Variants in ABCA12 observed in about 807,000 individuals in gnomAD.
ABCA12 encodes glucosylceramide transporter ABCA12.
In ABCA12, 156 loss-of-function variants were observed where a neutral mutation model predicts 293.5. That is an observed-to-expected ratio of 0.53 (90% CI 0.47 to 0.61). The LOEUF is 0.61. ABCA12 is among the 20% of genes least tolerant of loss of function. The probability of loss-of-function intolerance (pLI) is 0.00; values close to 1 mark genes in which losing one functional copy is unlikely to be tolerated. For missense variants in ABCA12, 2,797 were observed against 3,090.2 expected, an observed-to-expected ratio of 0.91 and a Z score of 2.25; for synonymous variants, 1,063 against 1,108.0, an observed-to-expected ratio of 0.96 and a Z score of 0.81.
At chr2:215,111,552 C>T (rs1702570278) in intron 2 of ABCA12, 45 bp downstream of exon 2, 2 of 1,499,714 alleles carry the variant, frequency 1.3e-6, no homozygotes, top group African/African-American at 2.8e-5. Flanking sequence ...TAAATTTTAA[C>T]TAGAATCCAA....
intron 2 of ABCA12, among the ~76,000 whole-genome samples, chr2:215,096,792 T>A (rs1702258120): frequency 6.6e-6 from 1 of 152,208 alleles, no homozygotes; most frequent in Non-Finnish European, 1.5e-5. Context: ...AACTCCATAT[T>A]TTTATTGCCA....
At position 214,932,568 on chromosome 2, in the gene ABCA12, T is replaced by C; in HGVS notation, c.*66A>G. The C allele has an allele frequency of 2.5e-6, 3 of 1,186,718 alleles. No individual in the cohort carries two copies. The South Asian group carries it at 3.7e-5, about 15-fold the overall frequency. The allele number at this position is 1,186,718 out of a possible 1,614,324, so 73.5% of individuals were successfully genotyped here. ...AATGAAGATATCTTGCGGAAGTGTA[T>C]CTTCTGTGGCTTTTCTTCAAAATGA... On this transcript the variant is annotated 3_prime_UTR_variant, in exon 53 of 53. Transcript: ENST00000272895.
intron 1 of ABCA12, among the ~76,000 whole-genome samples, chr2:215,114,812 C>A (rs549343671): frequency 5.4e-4 from 82 of 152,200 alleles, no homozygotes; most frequent in African/African-American, 1.8e-3. Flanking sequence ...GTGGATTTAT[C>A]AGTTTTGTAT....
In ABCA12 at chr2:215,019,786, A is replaced by C. The variant is rs1436550808; in HGVS notation, c.1298T>G (p.Leu433Arg). ...PEVLKSKLSQ[L>R]RNLTELLCES... ...ACAAAGAAGTTCGGTCAAGTTTCGA[A>C]GTTGAGACAGCTTTCCAAAAAGGGA... is the stretch of plus-strand genomic sequence containing the variant. Residue 433 changes from leucine to arginine, a missense_variant, in exon 12 of 53, where the codon CTT becomes CGT. By Grantham distance (102) the Leu-to-Arg change is moderately radical. Around this residue, in one of 3 missense-constraint regions of ABCA12, gnomAD observed 656 missense variants for 638.2 expected, o/e 1.03. Coordinates refer to ENST00000272895, the MANE Select transcript of ABCA12 (RefSeq NM_173076.3). The C allele has an allele frequency of 6.2e-7, 1 of 1,611,838 alleles. No individual in the cohort carries two copies. Among genetic ancestry groups the C allele is most frequent in the Non-Finnish European group, 8.5e-7 (1 of 1,180,020 alleles).
At chr2:214,982,410 T>G in intron 29 of ABCA12, 27 bp from the exon 30 acceptor site, 1 of 1,579,700 alleles carries the variant, frequency 6.3e-7, no homozygotes, top group African/African-American at 1.3e-5. Flanking sequence ...TGATGGTTAT[T>G]TTTTTACAGA....
At chr2:214,958,092 C>T (rs1000159410) in intron 41 of ABCA12, among the ~76,000 whole-genome samples, 185 bp downstream of exon 41, 6 of 152,076 alleles carry the variant, frequency 3.9e-5, no homozygotes. Context: ...GAGATGAGGG[C>T]CGGTAGGTTA....
intron 1 of ABCA12, among the ~76,000 whole-genome samples, chr2:215,129,935 C>A (rs1324416701): frequency 1.3e-5 from 2 of 151,938 alleles, no homozygotes; most frequent in African/African-American, 4.8e-5. Flanking sequence ...CAGTTTCATT[C>A]TTCTGCATAT....
At chr2:215,055,674 T>C (rs1701406248) in intron 3 of ABCA12, among the ~76,000 whole-genome samples, 1 of 150,880 alleles carries the variant, frequency 6.6e-6, no homozygotes, top group Non-Finnish European at 1.5e-5. Context: ...ATCTGAATCC[T>C]AGTTCCAGGG....
Position 214,953,912 on chromosome 2 carries a change from C to G in ABCA12, c.6589G>C (p.Gly2197Arg). Residue 2197 changes from glycine (G) to arginine (R), a missense_variant, in exon 44 of 53, where the codon GGC (glycine) becomes CGC (arginine). Physicochemically the swap from Gly to Arg is moderately radical, Grantham distance 125. Coordinates refer to ENST00000272895, the MANE Select transcript of ABCA12 (RefSeq NM_173076.3). ...AGTCGCAAGGAAAAAAACATGGTGC[C>G]CTGAGAAACCAAAGCCACAAACATT... Reference protein sequence around the residue: ...GAMFVALVSQGTMFFSLRLLI... With the variant: ...GAMFVALVSQRTMFFSLRLLI... The G allele has an allele frequency of 6.2e-7, 1 of 1,613,892 alleles. No individual in the cohort carries two copies.
At position 215,090,132 on chromosome 2, in the gene ABCA12, C is replaced by A. The variant is rs148099778; in HGVS notation, c.163+21465G>T. On this transcript the variant is annotated intron_variant, in intron 2 of 52. Coordinates refer to ENST00000272895, the MANE Select transcript of ABCA12 (RefSeq NM_173076.3). ...CCTGCCCCTGCCTGCAAGAGAACAA[C>A]CCCCTTTGACTGTAATTTTCCACTA... Among the ~76,000 whole-genome samples the A allele has an allele frequency of 8.7e-3, 1,326 of 152,280 alleles. 12 individuals are homozygous for A. Among genetic ancestry groups the A allele is most frequent in the Non-Finnish European group, 0.015 (1,047 of 68,024 alleles).
At chr2:215,005,934 G>A (rs1700244237) in intron 19 of ABCA12, among the ~76,000 whole-genome samples, 1 of 152,198 alleles carries the variant, frequency 6.6e-6, no homozygotes, top group Admixed American at 6.5e-5. Flanking sequence ...TCCATAAGCT[G>A]CAGTTCACGT....
At position 214,932,532 on chromosome 2, in the gene ABCA12, C is replaced by CTT. The variant is rs970720469; in HGVS notation, c.*100_*101dup. 21 of 905,418 alleles carry CTT rather than the reference C, an allele frequency of 2.3e-5. No homozygotes were observed. In the South Asian group the frequency reaches 2.4e-4, roughly 10 times the overall value. 56.1% of individuals were successfully genotyped at this position (905,418 alleles called of 1,614,324 possible). A position where few individuals can be genotyped will look rare whatever the true frequency, so the allele number is the denominator to read the frequency against. On this transcript the variant is annotated 3_prime_UTR_variant, in exon 53 of 53. Transcript: ENST00000272895. ...TTGTAACTTTCCATACAGTATATTA[C>CTT]TTTACTTTAAAATGAAGATATCTTG...
At chr2:214,999,836 T>G in intron 22 of ABCA12, 1 of 984,602 alleles carries the variant, frequency 1.0e-6, no homozygotes, top group Non-Finnish European at 1.2e-6. Context: ...CTCATCTCAT[T>G]TATAACTCTT....
chr2:214,940,062 C>T (rs752928890), intron 50 of ABCA12, among the ~76,000 whole-genome samples: 1 of 152,160 alleles, frequency 6.6e-6, no homozygotes, highest in Non-Finnish European at 1.5e-5. Flanking sequence ...GGGAATACTT[C>T]CAGATTTTGT....
intron 2 of ABCA12, among the ~76,000 whole-genome samples, chr2:215,107,721 C>G (rs966734663): frequency 6.6e-6 from 1 of 152,192 alleles, no homozygotes. Flanking sequence ...TATATTTGTT[C>G]TAAATGAGTT....
Position 215,111,659 on chromosome 2 carries a change from A to G in ABCA12, c.101T>C (p.Val34Ala), listed in dbSNP as rs201228799. ...AATAGCCAAAATTATGAAAATAATG[A>G]CTGGCCATAAGATCAAGACAAGTGT... ...LWTLVLILWP[V>A]IIFIILAITR... Residue 34 changes from valine (V) to alanine (A), a missense_variant, in exon 2 of 53, where the codon GTC (valine) becomes GCC (alanine). By Grantham distance (64) the Val-to-Ala change is moderately conservative. Coordinates refer to ENST00000272895, the MANE Select transcript of ABCA12 (RefSeq NM_173076.3). The G allele has an allele frequency of 9.3e-6, 15 of 1,613,554 alleles. No individual in the cohort carries two copies. In the East Asian group the frequency reaches 3.4e-4, roughly 36 times the overall value.
chr2:215,040,632 A>T (rs1276673923), intron 7 of ABCA12, among the ~76,000 whole-genome samples: 5 of 152,120 alleles, frequency 3.3e-5, no homozygotes, highest in African/African-American at 1.2e-4. Context: ...AACATGGTGA[A>T]ACCCCGTCTC....
At chr2:215,130,649 G>T (rs754649930) in intron 1 of ABCA12, among the ~76,000 whole-genome samples, 1 of 151,972 alleles carries the variant, frequency 6.6e-6, no homozygotes, top group Non-Finnish European at 1.5e-5. Flanking sequence ...GGTTTTTTAG[G>T]TATATGATCA....
intron 45 of ABCA12, among the ~76,000 whole-genome samples, chr2:214,950,274 G>A (rs1334699692): frequency 1.3e-5 from 2 of 151,664 alleles, no homozygotes; most frequent in African/African-American, 4.8e-5. Flanking sequence ...GATATCCTTG[G>A]GGGTCCTGGA....
Sources: gnomAD v4.1 joint callset for allele counts (sites outside exome capture counted in the v4.1 genomes callset) on GRCh38, gnomAD v4.1.1 for gene constraint, gnomAD v4.1.1 regional missense constraint, MANE v1.5 for transcripts, NCBI Gene and HGNC (gene_info 2026-07-23, HGNC 2026-07-21) for gene names.